Variants in SAMD5 observed in about 807,000 individuals in gnomAD.
The protein encoded by SAMD5 is sterile alpha motif domain containing 5, also known as sterile alpha motif domain-containing protein 5.
In SAMD5, 13 loss-of-function variants were observed where a neutral mutation model predicts 11.3. That is an observed-to-expected ratio of 1.15 (90% CI 0.75 to 1.83). The LOEUF is 1.83. Ranked by LOEUF, SAMD5 falls within the 40% of genes most tolerant of loss-of-function variation. The pLI, the probability that SAMD5 is intolerant of heterozygous loss-of-function variation, is 0.00. For missense variants in SAMD5, 255 were observed against 239.1 expected, an observed-to-expected ratio of 1.07 and a Z score of -0.44; for synonymous variants, 129 against 111.3, an observed-to-expected ratio of 1.16 and a Z score of -1.00.
Position 147,641,082 on chromosome 6 carries a change from T to G in SAMD5, c.163-96235T>G, listed in dbSNP as rs530884584. Among the ~76,000 whole-genome samples, 4 of 152,304 alleles carry G rather than the reference T, an allele frequency of 2.6e-5. No individual in the cohort carries two copies. The South Asian group carries it at 8.3e-4, about 32-fold the overall frequency. Reference sequence around the variant, plus strand: ...GACGTTAACAATGGTTGGACACTGATGGATAGTGATTGCTTTGTTGAATGG... The same window carrying G: ...GACGTTAACAATGGTTGGACACTGAGGGATAGTGATTGCTTTGTTGAATGG... On this transcript the variant is annotated intron_variant, in intron 1 of 1. Coordinates refer to the SAMD5 transcript ENST00000566741.
intron 1 of SAMD5, among the ~76,000 whole-genome samples, chr6:147,633,588 G>A (rs1245312230): frequency 1.3e-5 from 2 of 151,976 alleles, no homozygotes; most frequent in Non-Finnish European, 2.9e-5. Flanking sequence ...TATTAGCGTG[G>A]AAGTAATTTC....
intron 1 of SAMD5, among the ~76,000 whole-genome samples, chr6:147,578,919 A>C (rs844624): frequency 0.73 from 111,311 of 152,254 alleles, 41,236 homozygotes; most frequent in African/African-American, 0.85. Context: ...GGCAAGTTAC[A>C]TTGCCTGCCT....
chr6:147,700,565 G>A (rs9485215), intron 1 of SAMD5, among the ~76,000 whole-genome samples: 45,996 of 147,662 alleles, frequency 0.31, 10,985 homozygotes, highest in African/African-American at 0.67. Flanking sequence ...GTCTGCATTT[G>A]CCTCTGTATC....
the SAMD5 span, among the ~76,000 whole-genome samples, chr6:147,817,123 T>C: frequency 6.6e-6 from 1 of 152,214 alleles, no homozygotes. Context: ...CCTTTTTTCA[T>C]CATCATCAGA....
chr6:147,872,881 C>G, the SAMD5 span, among the ~76,000 whole-genome samples: 1 of 152,130 alleles, frequency 6.6e-6, no homozygotes, highest in African/African-American at 2.4e-5. Flanking sequence ...CCAACAAGTC[C>G]CATAGCTCCA....
chr6:147,630,398 T>C (rs980397317), intron 1 of SAMD5, among the ~76,000 whole-genome samples: 1 of 152,192 alleles, frequency 6.6e-6, no homozygotes, highest in Non-Finnish European at 1.5e-5. Context: ...AGTCCAAGCC[T>C]GCACGTATTT....
intron 1 of SAMD5, among the ~76,000 whole-genome samples, chr6:147,697,332 C>T (rs898162209): frequency 1.3e-5 from 2 of 152,278 alleles, no homozygotes; most frequent in South Asian, 2.1e-4. Context: ...GTTCTCTAAA[C>T]CCAGTTTGGC....
intron 1 of SAMD5, among the ~76,000 whole-genome samples, chr6:147,590,398 C>T (rs1359504891): frequency 6.6e-6 from 1 of 151,992 alleles, no homozygotes; most frequent in Non-Finnish European, 1.5e-5. Context: ...CATTGTATGC[C>T]CTCAGTAACG....
At position 147,565,392 on chromosome 6, in the gene SAMD5, G is replaced by A. The variant is rs1033831876; in HGVS notation, c.*936G>A. 3.0e-6 allele frequency: 3 copies of A among 985,486 alleles called. No individual in the cohort carries two copies. The highest frequency in any genetic ancestry group is 3.6e-6 in the Non-Finnish European group (3 of 829,778). 61.0% of individuals were successfully genotyped at this position (985,486 alleles called of 1,614,324 possible). On this transcript the variant is annotated 3_prime_UTR_variant, in exon 2 of 2. Coordinates refer to ENST00000367474, the MANE Select transcript of SAMD5 (RefSeq NM_001030060.3). ...AAAAGAAAGTAGATTGAGGTGGGGGGAGGAAATTAACAGGAATCTAGAGTT... is the reference window on the plus strand; with the variant it reads ...AAAAGAAAGTAGATTGAGGTGGGGGAAGGAAATTAACAGGAATCTAGAGTT...
chr6:147,883,497 A>G, the SAMD5 span, among the ~76,000 whole-genome samples: 1,231 of 152,318 alleles, frequency 8.1e-3, 9 homozygotes, highest in Middle Eastern at 0.027. Context: ...CCTCACAGCT[A>G]TACATTTCAG....
At chr6:147,694,531 G>A (rs1791148858) in intron 1 of SAMD5, among the ~76,000 whole-genome samples, 1 of 152,170 alleles carries the variant, frequency 6.6e-6, no homozygotes, top group Non-Finnish European at 1.5e-5. Flanking sequence ...GATTTATCCA[G>A]TCAGCATATG....
intron 1 of SAMD5, among the ~76,000 whole-genome samples, chr6:147,726,927 T>C (rs536024471): frequency 6.6e-6 from 1 of 152,354 alleles, no homozygotes; most frequent in African/African-American, 2.4e-5. Flanking sequence ...ACTTAGACTT[T>C]GCTAGTAGCC....
chr6:147,778,992 T>TC, the SAMD5 span, among the ~76,000 whole-genome samples: 2 of 150,994 alleles, frequency 1.3e-5, no homozygotes, highest in Admixed American at 6.6e-5. Context: ...AAAATGGATT[T>TC]TTTTTTTTTT....
At chr6:147,796,249 T>G in the SAMD5 span, among the ~76,000 whole-genome samples, 1 of 151,676 alleles carries the variant, frequency 6.6e-6, no homozygotes, top group African/African-American at 2.4e-5. Flanking sequence ...TTATATAAGG[T>G]GTAAGGAAGG....
At chr6:147,951,210 T>C in the SAMD5 span, among the ~76,000 whole-genome samples, 1 of 150,082 alleles carries the variant, frequency 6.7e-6, no homozygotes, top group Non-Finnish European at 1.5e-5. Context: ...TATGACGGAG[T>C]CTCGCTCTGT....
intron 1 of SAMD5, among the ~76,000 whole-genome samples, chr6:147,577,271 C>T (rs553471002): frequency 6.6e-6 from 1 of 152,296 alleles, no homozygotes; most frequent in Admixed American, 6.5e-5. Context: ...TATAAAACTT[C>T]CATGTCCACA....
At chr6:147,736,451 AATG>A (rs1325481446) in intron 1 of SAMD5, among the ~76,000 whole-genome samples, 3 of 152,206 alleles carry the variant, frequency 2.0e-5, no homozygotes, top group African/African-American at 7.2e-5. Context: ...TGCTTTCCAT[AATG>A]ATAATTTGTA....
At chr6:147,643,807 G>GAGAA (rs1225180005) in intron 1 of SAMD5, among the ~76,000 whole-genome samples, 11 of 128,344 alleles carry the variant, frequency 8.6e-5, no homozygotes, top group Non-Finnish European at 1.6e-4. Context: ...GAGAGAGAGA[G>GAGAA]AGAAAGAAAG....
chr6:147,596,158 G>A (rs996781152), intron 1 of SAMD5, among the ~76,000 whole-genome samples: 2 of 152,054 alleles, frequency 1.3e-5, no homozygotes, highest in Non-Finnish European at 2.9e-5. Context: ...TTTATTTAAC[G>A]ATTTCTTTTG....
Sources: allele counts gnomAD v4.1 joint callset (sites outside exome capture counted in the v4.1 genomes callset), GRCh38; gene constraint gnomAD v4.1.1; transcripts MANE v1.5; gene names NCBI Gene and HGNC (gene_info 2026-07-23, HGNC 2026-07-21).